Variants in PIK3CB observed in about 807,000 individuals in gnomAD.
The protein encoded by PIK3CB is phosphatidylinositol 4,5-bisphosphate 3-kinase catalytic subunit beta isoform.
PIK3CB carries 39 observed loss-of-function variants against 136.8 expected under a neutral mutation model. That is an observed-to-expected ratio of 0.29 (90% CI 0.22 to 0.37). PIK3CB has a LOEUF of 0.37. Among genes scored for constraint, PIK3CB ranks in the 10% least tolerant of loss-of-function variants. The pLI, the probability that PIK3CB is intolerant of heterozygous loss-of-function variation, is 1.00. For missense variants in PIK3CB, 868 were observed against 1,275.4 expected, an observed-to-expected ratio of 0.68 and a Z score of 4.87; for synonymous variants, 428 against 436.6, an observed-to-expected ratio of 0.98 and a Z score of 0.25.
intron 8 of PIK3CB, among the ~76,000 whole-genome samples, chr3:138,728,141 C>T (rs1303520227): frequency 6.6e-6 from 1 of 152,058 alleles, no homozygotes; most frequent in South Asian, 2.1e-4. Flanking sequence ...AAAAACCTTC[C>T]CATAAAGAAA....
intron 19 of PIK3CB, among the ~76,000 whole-genome samples, chr3:138,681,041 G>GGT (rs2043764853): frequency 1.6e-5 from 2 of 127,324 alleles, no homozygotes; most frequent in African/African-American, 5.9e-5. Flanking sequence ...TTTCATGTTA[G>GGT]TTTTTTTTTT....
intron 10 of PIK3CB, among the ~76,000 whole-genome samples, chr3:138,708,071 TAC>T (rs1325832150): frequency 3.9e-5 from 6 of 152,128 alleles, no homozygotes; most frequent in Admixed American, 3.9e-4. Flanking sequence ...CTGACTGTAG[TAC>T]AGTTGTTCTT....
intron 8 of PIK3CB, among the ~76,000 whole-genome samples, chr3:138,721,081 C>T (rs2044715804): frequency 6.6e-6 from 1 of 152,064 alleles, no homozygotes; most frequent in African/African-American, 2.4e-5. Context: ...ACTAACACTC[C>T]ACATATCTTC....
At chr3:138,830,834 G>A (rs1157107114) in intron 1 of PIK3CB, among the ~76,000 whole-genome samples, 2 of 150,746 alleles carry the variant, frequency 1.3e-5, no homozygotes, top group African/African-American at 4.9e-5. Flanking sequence ...CCCGGGAGGC[G>A]GAGCTTGCGG....
chr3:138,818,228 T>C (rs1161186142), intron 1 of PIK3CB, among the ~76,000 whole-genome samples: 2 of 152,184 alleles, frequency 1.3e-5, no homozygotes, highest in Admixed American at 1.3e-4. Flanking sequence ...TATTATTCAC[T>C]GCCTCCAGCC....
intron 2 of PIK3CB, among the ~76,000 whole-genome samples, chr3:138,776,698 A>AAAAC (rs373365770): frequency 0.032 from 4,901 of 151,668 alleles, 124 homozygotes; most frequent in African/African-American, 0.077. Flanking sequence ...CCTGTCTCAA[A>AAAAC]AAACAAACAA....
rs144734347 is a variant in PIK3CB, at chr3:138,729,654, C to T, written c.1050+3707G>A. ...TCTTCCTGGGTTTGAGTCAAGCCTA[C>T]CAGCCTTCAGATAGGAACTACACCC... On this transcript the variant is annotated intron_variant, in intron 8 of 23. Transcript: ENST00000674063. 5.1e-3 allele frequency among the ~76,000 whole-genome samples: 771 copies of T among 152,246 alleles called. 5 individuals are homozygous for T. The highest frequency in any genetic ancestry group is 7.2e-3 in the Non-Finnish European group (488 of 68,026).
At chr3:138,801,860 T>TAA (rs1466351308) in intron 1 of PIK3CB, among the ~76,000 whole-genome samples, 1 of 46,798 alleles carries the variant, frequency 2.1e-5, no homozygotes. Context: ...AGACTCCATC[T>TAA]CAAAAAAAAA....
chr3:138,658,345 G>C (rs931520029), intron 21 of PIK3CB, among the ~76,000 whole-genome samples: 2 of 152,064 alleles, frequency 1.3e-5, no homozygotes, highest in Non-Finnish European at 2.9e-5. Context: ...AGCTACTCAG[G>C]GGGGTGAGGT....
intron 1 of PIK3CB, among the ~76,000 whole-genome samples, chr3:138,827,336 T>C (rs1428144833): frequency 6.6e-6 from 1 of 152,068 alleles, no homozygotes; most frequent in African/African-American, 2.4e-5. Flanking sequence ...TAGAGCACCT[T>C]AACGAAGATT....
chr3:138,700,313 A>C (rs1189202894), intron 12 of PIK3CB, among the ~76,000 whole-genome samples: 2 of 152,168 alleles, frequency 1.3e-5, no homozygotes, highest in Non-Finnish European at 2.9e-5. Context: ...AACTGAATAT[A>C]AAAAATGAAA....
intron 19 of PIK3CB, among the ~76,000 whole-genome samples, chr3:138,668,011 C>A (rs1034894929): frequency 6.6e-6 from 1 of 151,568 alleles, no homozygotes; most frequent in Non-Finnish European, 1.5e-5. Flanking sequence ...GAGGTTACAG[C>A]GAGCTGAGAT....
At chr3:138,807,540 G>A (rs538178867) in intron 1 of PIK3CB, among the ~76,000 whole-genome samples, 1 of 152,260 alleles carries the variant, frequency 6.6e-6, no homozygotes, top group African/African-American at 2.4e-5. Context: ...CAGAGGACTG[G>A]TTAGATGCAC....
intron 16 of PIK3CB, chr3:138,685,055 G>T: frequency 2.7e-6 from 1 of 365,858 alleles, no homozygotes; most frequent in Non-Finnish European, 5.0e-6. Context: ...TTACAAATTC[G>T]AGAAAAGCAG....
intron 2 of PIK3CB, among the ~76,000 whole-genome samples, chr3:138,776,948 C>G (rs1277889809): frequency 7.0e-6 from 1 of 142,460 alleles, no homozygotes; most frequent in Non-Finnish European, 1.5e-5. Flanking sequence ...AAAAAAGAAT[C>G]TAAATAATCT....
chr3:138,684,976 A>T, intron 16 of PIK3CB, 173 bp from the exon 17 acceptor site: 1 of 522,312 alleles, frequency 1.9e-6, no homozygotes, highest in Non-Finnish European at 3.4e-6. Context: ...TACATACAAT[A>T]AACTTATTTT....
chr3:138,681,100 G>GT lies in PIK3CB; in HGVS notation c.2504+866dup, dbSNP rs1337668612. On this transcript the variant is annotated intron_variant, in intron 19 of 23. Transcript: ENST00000674063. Reference sequence around the variant, plus strand: ...CTCACTTTGTCATCCAGCCTGGAGTGTAGTGGTGCAATCTCTGTTCCCTGC... The same window carrying GT: ...CTCACTTTGTCATCCAGCCTGGAGTGTTAGTGGTGCAATCTCTGTTCCCTGC... 4.8e-5 allele frequency among the ~76,000 whole-genome samples: 7 copies of GT among 144,902 alleles called. No individual in the cohort carries two copies. In the South Asian group the frequency reaches 6.5e-4, roughly 14 times the overall value.
intron 2 of PIK3CB, among the ~76,000 whole-genome samples, chr3:138,788,964 C>CAAAAAAAAAAAAAAAAAAAAAA (rs57432821): frequency 3.4e-5 from 3 of 89,494 alleles, no homozygotes; most frequent in African/African-American, 1.4e-4. Flanking sequence ...GACTTCGTCT[C>CAAAAAAAAAAAAAAAAAAAAAA]AAAAAAAAAA....
At chr3:138,670,513 T>C (rs773116695) in intron 19 of PIK3CB, among the ~76,000 whole-genome samples, 2 of 152,188 alleles carry the variant, frequency 1.3e-5, no homozygotes, top group Non-Finnish European at 2.9e-5. Flanking sequence ...AATAAATATT[T>C]TAGGCACTAC....
Sources: allele counts gnomAD v4.1 joint callset (sites outside exome capture counted in the v4.1 genomes callset), GRCh38; gene constraint gnomAD v4.1.1; transcripts MANE v1.5; gene names NCBI Gene and HGNC (gene_info 2026-07-23, HGNC 2026-07-21).